The following RTF2 variants were observed in gnomAD, a reference collection of about 807,000 sequenced individuals.
RTF2 encodes the protein UPF0549 protein C20orf43.
In RTF2, 18 loss-of-function variants were observed where a neutral mutation model predicts 38.0. That is an observed-to-expected ratio of 0.47 (90% CI 0.33 to 0.70). The LOEUF is 0.70. Among genes scored for constraint, RTF2 ranks in the 30% least tolerant of loss-of-function variants. RTF2 has a pLI of 0.02. For missense variants in RTF2, 311 were observed against 379.6 expected (o/e 0.82, Z 1.50); for synonymous variants, 126 against 137.1 (o/e 0.92, Z 0.57).
chr20:56,485,277 G>A (rs907078942), intron 5 of RTF2, among the ~76,000 whole-genome samples: 5 of 152,146 alleles, frequency 3.3e-5, no homozygotes, highest in African/African-American at 9.7e-5. Context: ...CAGCCTCTTC[G>A]GCAGCAGGAA....
At chr20:56,471,193 A>C (rs1286431886) in intron 1 of RTF2, among the ~76,000 whole-genome samples, 4 of 152,184 alleles carry the variant, frequency 2.6e-5, no homozygotes, top group South Asian at 4.1e-4. Flanking sequence ...CTATCAGAGA[A>C]TTGGTTGGTG....
At chr20:56,516,116 T>C (rs1002776077) in intron 6 of RTF2, 2 of 152,260 alleles carry the variant, frequency 1.3e-5, no homozygotes, top group African/African-American at 4.8e-5. Flanking sequence ...TAAATCACAC[T>C]GCATGTATAT....
chr20:56,495,065 T>A, intron 5 of RTF2: 1 of 647,368 alleles, frequency 1.5e-6, no homozygotes, highest in South Asian at 1.9e-5. Context: ...TGACTCAACC[T>A]ATACTAATTG....
chr20:56,514,575 T>TA (rs1234522363), intron 6 of RTF2, among the ~76,000 whole-genome samples: 1 of 152,068 alleles, frequency 6.6e-6, no homozygotes, highest in Non-Finnish European at 1.5e-5. Context: ...TTGGGGTTTT[T>TA]AAAAAATCAT....
At chr20:56,508,789 A>G (rs7267121) in intron 5 of RTF2, among the ~76,000 whole-genome samples, 32 of 152,204 alleles carry the variant, frequency 2.1e-4, no homozygotes, top group African/African-American at 7.5e-4. Context: ...AGTTTTTTCA[A>G]CAAATAGTGT....
intron 5 of RTF2, 107 bp from the exon 6 acceptor site, chr20:56,513,208 T>C: frequency 1.4e-6 from 2 of 1,435,692 alleles, no homozygotes; most frequent in East Asian, 2.5e-5. Context: ...AATAGGAATT[T>C]ACTCGGAGCC....
At chr20:56,509,043 G>A (rs1984463790) in intron 5 of RTF2, among the ~76,000 whole-genome samples, 1 of 152,182 alleles carries the variant, frequency 6.6e-6, no homozygotes, top group Non-Finnish European at 1.5e-5. Context: ...AAAAACTTTT[G>A]TAATTATCCA....
In RTF2 at chr20:56,514,494, G is replaced by A. The variant is rs1051937386; in HGVS notation, c.591+1066G>A. 3.9e-5 allele frequency among the ~76,000 whole-genome samples: 6 copies of A among 152,234 alleles called. No homozygotes were observed. In the East Asian group the frequency reaches 7.7e-4, roughly 20 times the overall value. ...ATTATGAAACAAATCGCCTGCCCTC[G>A]CGTGGGTGTGCATTTTACCAGTGCC... On this transcript the variant is annotated intron_variant, in intron 6 of 8. Transcript: ENST00000357348.
At chr20:56,497,451 CACAG>C (rs751768526) in intron 5 of RTF2, 29 of 1,531,230 alleles carry the variant, frequency 1.9e-5, no homozygotes, top group Non-Finnish European at 1.8e-5. Flanking sequence ...TAAAGCGGAA[CACAG>C]TTCATCTGGG....
intron 5 of RTF2, among the ~76,000 whole-genome samples, chr20:56,490,667 A>T (rs1180855520): frequency 2.0e-5 from 3 of 152,314 alleles, no homozygotes; most frequent in Middle Eastern, 3.4e-3. Flanking sequence ...ATACAAAAAA[A>T]TTAGCCAGGC....
chr20:56,489,969 G>A (rs1983017518), intron 5 of RTF2, among the ~76,000 whole-genome samples: 1 of 152,224 alleles, frequency 6.6e-6, no homozygotes, highest in South Asian at 2.1e-4. Flanking sequence ...CTGTCATGGG[G>A]CTCTTGTGTT....
intron 5 of RTF2, among the ~76,000 whole-genome samples, chr20:56,511,705 G>A (rs1188726977): frequency 1.3e-5 from 2 of 152,094 alleles, no homozygotes; most frequent in African/African-American, 4.8e-5. Flanking sequence ...GATGCCAATA[G>A]CACCTGCACC....
chr20:56,473,511 A>G (rs1260359880), intron 2 of RTF2, 116 bp downstream of exon 2: 4 of 692,026 alleles, frequency 5.8e-6, no homozygotes. Context: ...TTTGTGAGGC[A>G]TAGGCTGTCG....
At chr20:56,512,719 T>C (rs1043672878) in intron 5 of RTF2, among the ~76,000 whole-genome samples, 1 of 152,176 alleles carries the variant, frequency 6.6e-6, no homozygotes, top group Non-Finnish European at 1.5e-5. Flanking sequence ...CAGCGTGGTA[T>C]GGATGCACAG....
chr20:56,496,892 G>A (rs1330016956), intron 5 of RTF2: 7 of 1,551,732 alleles, frequency 4.5e-6, no homozygotes, highest in Non-Finnish European at 6.1e-6. Context: ...TGGATTTAAT[G>A]TGCAATGGTT....
intron 5 of RTF2, chr20:56,495,381 A>AT: frequency 9.3e-7 from 1 of 1,078,374 alleles, no homozygotes; most frequent in Admixed American, 2.1e-5. Flanking sequence ...TATCATTTCC[A>AT]TTTCCTCTAG....
chr20:56,516,728 A>C (rs1031536541), intron 6 of RTF2: 11 of 607,716 alleles, frequency 1.8e-5, no homozygotes, highest in African/African-American at 1.5e-4. Flanking sequence ...TTTTTGTGTG[A>C]GGCAGAAGTG....
Position 56,473,863 on chromosome 20 carries a change from G to C in RTF2, c.164+468G>C, listed in dbSNP as rs545606925. Among the ~76,000 whole-genome samples, 31 of 152,188 alleles carry C rather than the reference G, an allele frequency of 2.0e-4. No individual in the cohort carries two copies. In the South Asian group the frequency reaches 6.0e-3, roughly 30 times the overall value. On this transcript the variant is annotated intron_variant, in intron 2 of 8. Coordinates refer to ENST00000357348, the MANE Select transcript of RTF2 (RefSeq NM_016407.5). ...TAATTCCACCACTGCACCCCAGCCT[G>C]TGCAAAAAAAATAGCAAACTCAGGG...
At chr20:56,500,183 T>C (rs1341888008) in intron 5 of RTF2, among the ~76,000 whole-genome samples, 1 of 151,972 alleles carries the variant, frequency 6.6e-6, no homozygotes, top group African/African-American at 2.4e-5. Context: ...GCCTCCCAAG[T>C]AGCTGGGATT....
Sources: allele counts gnomAD v4.1 joint callset (sites outside exome capture counted in the v4.1 genomes callset), GRCh38; gene constraint gnomAD v4.1.1; transcripts MANE v1.5; gene names NCBI Gene and HGNC (gene_info 2026-07-23, HGNC 2026-07-21).